The following TYW1B variants were observed in gnomAD, a reference collection of about 807,000 sequenced individuals.
TYW1B encodes the protein S-adenosyl-L-methionine-dependent tRNA 4-demethylwyosine synthase TYW1B.
Under a neutral mutation model 86.9 loss-of-function variants are expected in TYW1B, and 73 were observed. The ratio of observed to expected loss-of-function variants is 0.84; its 90% CI spans 0.70 to 1.02. The LOEUF (loss-of-function observed/expected upper bound fraction) is 1.02. Among genes scored for constraint, TYW1B ranks in the 50% least tolerant of loss-of-function variants. The pLI is 0.00. For missense variants in TYW1B, 637 were observed against 827.4 expected, an observed-to-expected ratio of 0.77 and a Z score of 2.82; for synonymous variants, 248 against 292.8, an observed-to-expected ratio of 0.85 and a Z score of 1.56.
At chr7:72,582,070 A>G (rs1585823860) in intron 13 of TYW1B, among the ~76,000 whole-genome samples, 1 of 124,080 alleles carries the variant, frequency 8.1e-6, no homozygotes, top group East Asian at 2.6e-4. Context: ...CACCTGGCAA[A>G]AAAGATTTTT....
chr7:72,770,821 T>C (rs1241011573), intron 7 of TYW1B, among the ~76,000 whole-genome samples: 1 of 152,116 alleles, frequency 6.6e-6, no homozygotes, highest in Non-Finnish European at 1.5e-5. Flanking sequence ...GGCATACTAC[T>C]GAGCAATAAA....
intron 13 of TYW1B, among the ~76,000 whole-genome samples, chr7:72,584,703 G>C (rs1811235043): frequency 6.6e-6 from 1 of 152,086 alleles, no homozygotes; most frequent in Non-Finnish European, 1.5e-5. Flanking sequence ...TGATCTGCCT[G>C]CCTCAGCCTC....
intron 11 of TYW1B, among the ~76,000 whole-genome samples, chr7:72,660,572 A>C (rs1188518420): frequency 1.3e-5 from 2 of 152,204 alleles, no homozygotes; most frequent in African/African-American, 2.4e-5. Context: ...TTCTTGTTTG[A>C]ACACCAGTTT....
At chr7:72,824,120 G>C (rs1190266347) in intron 2 of TYW1B, among the ~76,000 whole-genome samples, 1 of 151,828 alleles carries the variant, frequency 6.6e-6, no homozygotes, top group Middle Eastern at 3.2e-3. Flanking sequence ...ACTGACCTTC[G>C]ACTGTAAAAT....
intron 12 of TYW1B, among the ~76,000 whole-genome samples, chr7:72,619,202 C>A (rs1444747620): frequency 6.6e-6 from 1 of 152,106 alleles, no homozygotes; most frequent in Admixed American, 6.6e-5. Flanking sequence ...CTTTATTAGT[C>A]GACTTGCAAT....
chr7:72,668,169 T>C (rs1554445674), intron 11 of TYW1B, among the ~76,000 whole-genome samples: 1 of 152,208 alleles, frequency 6.6e-6, no homozygotes, highest in African/African-American at 2.4e-5. Flanking sequence ...AAAATACAAA[T>C]TGTTTTTCTG....
intron 8 of TYW1B, among the ~76,000 whole-genome samples, chr7:72,735,343 G>A (rs528492140): frequency 9.4e-4 from 143 of 152,258 alleles, no homozygotes; most frequent in Non-Finnish European, 1.4e-3. Context: ...GCTGAGGCCA[G>A]TGGATCACTT....
chr7:72,591,163 A>G (rs1811386546), intron 13 of TYW1B, among the ~76,000 whole-genome samples: 1 of 152,080 alleles, frequency 6.6e-6, no homozygotes, highest in African/African-American at 2.4e-5. Flanking sequence ...AAAAAGAAAG[A>G]AAAGAAAAAA....
At chr7:72,748,716 T>C (rs182827872) in intron 7 of TYW1B, among the ~76,000 whole-genome samples, 2 of 151,694 alleles carry the variant, frequency 1.3e-5, no homozygotes, top group Admixed American at 6.6e-5. Flanking sequence ...CTTCTTAGCA[T>C]GTTTGATATG....
chr7:72,717,832 A>T (rs1786820561), intron 9 of TYW1B, among the ~76,000 whole-genome samples: 1 of 152,226 alleles, frequency 6.6e-6, no homozygotes, highest in South Asian at 2.1e-4. Flanking sequence ...AATGGCTATT[A>T]TTAGAGCAAA....
intron 7 of TYW1B, among the ~76,000 whole-genome samples, chr7:72,763,836 G>A (rs1787728200): frequency 6.6e-6 from 1 of 152,188 alleles, no homozygotes; most frequent in Non-Finnish European, 1.5e-5. Flanking sequence ...ACATCTTACA[G>A]AGATATTAAA....
At chr7:72,609,579 T>C (rs1294254302) in intron 13 of TYW1B, among the ~76,000 whole-genome samples, 2 of 149,778 alleles carry the variant, frequency 1.3e-5, no homozygotes. Flanking sequence ...TAAAAAAAAA[T>C]AAATAAATTG....
At chr7:72,583,718 A>C (rs1248625300) in intron 13 of TYW1B, among the ~76,000 whole-genome samples, 1 of 152,248 alleles carries the variant, frequency 6.6e-6, no homozygotes, top group Admixed American at 6.5e-5. Flanking sequence ...ACTGGCAGGC[A>C]AACAGTAGTG....
chr7:72,661,424 A>G (rs555088201), intron 11 of TYW1B, among the ~76,000 whole-genome samples: 5 of 151,680 alleles, frequency 3.3e-5, no homozygotes, highest in Non-Finnish European at 7.4e-5. Flanking sequence ...AAAAAAGACA[A>G]GGCCTGTATT....
intron 9 of TYW1B, among the ~76,000 whole-genome samples, chr7:72,726,458 G>C (rs1554458749): frequency 6.6e-6 from 1 of 151,734 alleles, no homozygotes; most frequent in African/African-American, 2.4e-5. Flanking sequence ...TGCCTCCCGG[G>C]TTCAAGCGAT....
chr7:72,690,351 A>G (rs1268145240), intron 11 of TYW1B, among the ~76,000 whole-genome samples: 1 of 152,246 alleles, frequency 6.6e-6, no homozygotes. Context: ...CGGAAATTGA[A>G]GCTAACACAT....
chr7:72,673,117 G>A (rs1341887753), intron 11 of TYW1B, among the ~76,000 whole-genome samples: 3 of 152,270 alleles, frequency 2.0e-5, no homozygotes, highest in South Asian at 2.1e-4. Flanking sequence ...GCAGTGAGCC[G>A]AGATCGGCCA....
intron 12 of TYW1B, among the ~76,000 whole-genome samples, chr7:72,626,444 T>C (rs542504368): frequency 9.2e-5 from 14 of 152,196 alleles, no homozygotes; most frequent in African/African-American, 2.2e-4. Context: ...CCCTATCTTA[T>C]CCCTGAAACT....
At chr7:72,726,347 A>G (rs1786997759) in intron 9 of TYW1B, among the ~76,000 whole-genome samples, 1 of 152,008 alleles carries the variant, frequency 6.6e-6, no homozygotes, top group Admixed American at 6.6e-5. Context: ...GAATAAAAGT[A>G]TAATTATTGA....
Sources: allele counts gnomAD v4.1 joint callset (sites outside exome capture counted in the v4.1 genomes callset), GRCh38; gene constraint gnomAD v4.1.1; transcripts MANE v1.5; gene names NCBI Gene and HGNC (gene_info 2026-07-23, HGNC 2026-07-21).